ASTN2: variants seen among roughly 807,000 people sequenced by gnomAD.
The protein encoded by ASTN2 is astrotactin 2.
Under a neutral mutation model 139.8 loss-of-function variants are expected in ASTN2, and 54 were observed. The observed-to-expected ratio is 0.39, with a 90% confidence interval of 0.31 to 0.48. The LOEUF is 0.48. Among genes scored for constraint, ASTN2 ranks in the 20% least tolerant of loss-of-function variants. The pLI, the probability that ASTN2 is intolerant of heterozygous loss-of-function variation, is 0.95. For missense variants in ASTN2, 1,565 were observed against 1,725.1 expected, an observed-to-expected ratio of 0.91 and a Z score of 1.64; for synonymous variants, 756 against 719.5, an observed-to-expected ratio of 1.05 and a Z score of -0.81.
intron 4 of ASTN2, among the ~76,000 whole-genome samples, chr9:117,130,567 C>T (rs1019121331): frequency 6.6e-6 from 1 of 152,112 alleles, no homozygotes; most frequent in African/African-American, 2.4e-5. Context: ...GGGGGGCTTC[C>T]TTTCTTTACT....
At chr9:117,380,457 T>C (rs1457482659) in intron 1 of ASTN2, among the ~76,000 whole-genome samples, 1 of 151,636 alleles carries the variant, frequency 6.6e-6, no homozygotes, top group Non-Finnish European at 1.5e-5. Flanking sequence ...ATACAAAAAT[T>C]AGCTGGGGGT....
rs112675207 is a variant in ASTN2, at chr9:117,050,365, G to A, written c.1277-10400C>T. On this transcript the variant is annotated intron_variant, in intron 5 of 22. Coordinates refer to ENST00000313400, the MANE Select transcript of ASTN2 (RefSeq NM_001365068.1). Reference sequence around the variant, plus strand: ...CCACACTTTGTGAAAATAGGAGCAGGAGAATAACATTGATTGTGTATTTAG... The same window carrying A: ...CCACACTTTGTGAAAATAGGAGCAGAAGAATAACATTGATTGTGTATTTAG... Among the ~76,000 whole-genome samples the A allele has an allele frequency of 1.3e-3, 202 of 152,234 alleles. 1 individual carries two copies. Among genetic ancestry groups the A allele is most frequent in the African/African-American group, 4.6e-3 (193 of 41,560 alleles).
At chr9:117,329,370 G>A (rs1828629191) in intron 1 of ASTN2, among the ~76,000 whole-genome samples, 1 of 151,830 alleles carries the variant, frequency 6.6e-6, no homozygotes, top group Non-Finnish European at 1.5e-5. Flanking sequence ...TGAACAGAAG[G>A]GAAAGCTCAT....
At chr9:116,514,435 C>T (rs1474312318) in intron 19 of ASTN2, among the ~76,000 whole-genome samples, 1 of 152,120 alleles carries the variant, frequency 6.6e-6, no homozygotes, top group Non-Finnish European at 1.5e-5. Context: ...CCCAGTTAGG[C>T]TTCTCAGGGG....
At chr9:116,654,272 G>T (rs1452050166) in intron 16 of ASTN2, among the ~76,000 whole-genome samples, 1 of 152,120 alleles carries the variant, frequency 6.6e-6, no homozygotes, top group African/African-American at 2.4e-5. Flanking sequence ...ATAGCTGCAA[G>T]GACAGAATTG....
At chr9:117,234,183 C>T (rs760388596) in intron 2 of ASTN2, among the ~76,000 whole-genome samples, 4 of 152,188 alleles carry the variant, frequency 2.6e-5, no homozygotes, top group Non-Finnish European at 4.4e-5. Context: ...CCTCTCCTCC[C>T]ACAGACCAGC....
chr9:117,251,193 TCCTCAG>T (rs1463322291), intron 2 of ASTN2, among the ~76,000 whole-genome samples: 1 of 152,080 alleles, frequency 6.6e-6, no homozygotes, highest in Admixed American at 6.6e-5. Context: ...GGAAGGTCAA[TCCTCAG>T]CTCTGTCCCT....
At chr9:116,490,271 G>GAAAAAAAAAAAAAA (rs1564314339) in intron 19 of ASTN2, among the ~76,000 whole-genome samples, 1 of 2,316 alleles carries the variant, frequency 4.3e-4, no homozygotes, top group African/African-American at 1.4e-3. Flanking sequence ...GTGATAAAAA[G>GAAAAAAAAAAAAAA]TAAAAAAAAA....
chr9:116,892,433 G>A (rs916804093), intron 10 of ASTN2, among the ~76,000 whole-genome samples: 4 of 152,094 alleles, frequency 2.6e-5, no homozygotes, highest in Non-Finnish European at 5.9e-5. Flanking sequence ...CAGTACTGTG[G>A]TTTGAGGGCT....
At chr9:117,165,657 A>G (rs1255768930) in intron 3 of ASTN2, among the ~76,000 whole-genome samples, 1 of 152,106 alleles carries the variant, frequency 6.6e-6, no homozygotes, top group African/African-American at 2.4e-5. Flanking sequence ...ACAAACCCTT[A>G]GCCCAGCACC....
intron 7 of ASTN2, among the ~76,000 whole-genome samples, chr9:116,978,464 G>C (rs1031382498): frequency 1.5e-4 from 22 of 146,334 alleles, no homozygotes; most frequent in African/African-American, 5.7e-4. Flanking sequence ...ATCTCTCTCT[G>C]TATGTATCTC....
chr9:117,158,224 A>G (rs1303015999), intron 3 of ASTN2, among the ~76,000 whole-genome samples: 1 of 152,096 alleles, frequency 6.6e-6, no homozygotes, highest in Non-Finnish European at 1.5e-5. Flanking sequence ...AAACTGTGCA[A>G]GTCCAGATAC....
intron 19 of ASTN2, among the ~76,000 whole-genome samples, chr9:116,532,219 T>C (rs910103992): frequency 1.7e-4 from 26 of 152,242 alleles, no homozygotes; most frequent in African/African-American, 6.3e-4. Context: ...GTTGTTTTTT[T>C]CTTGTAAATT....
intron 16 of ASTN2, among the ~76,000 whole-genome samples, chr9:116,676,367 T>A (rs1859500540): frequency 6.6e-6 from 1 of 152,204 alleles, no homozygotes; most frequent in African/African-American, 2.4e-5. Context: ...AGAATTTGTC[T>A]TTCTGTGTTC....
At chr9:117,126,517 G>A (rs73657663) in intron 4 of ASTN2, among the ~76,000 whole-genome samples, 1,807 of 152,278 alleles carry the variant, frequency 0.012, 39 homozygotes, top group Middle Eastern at 0.075. Context: ...GCCAATAATT[G>A]TGGTTTCCTA....
In ASTN2 at chr9:116,514,801, C is replaced by T. The variant is rs573137196; in HGVS notation, c.3356-27301G>A. The stretch of plus-strand genomic sequence containing the variant: ...GGCATGGGACCCTCTGATCCTGGTG[C>T]GGGATATAAACTCCTGGTGTGCCGT... On this transcript the variant is annotated intron_variant, in intron 19 of 22. Coordinates refer to ENST00000313400, the MANE Select transcript of ASTN2 (RefSeq NM_001365068.1). 5.3e-5 allele frequency among the ~76,000 whole-genome samples: 8 copies of T among 152,286 alleles called. No homozygotes were observed. In the East Asian group the frequency reaches 5.8e-4, roughly 11 times the overall value.
intron 19 of ASTN2, among the ~76,000 whole-genome samples, chr9:116,551,530 G>A (rs1171113471): frequency 2.6e-5 from 4 of 152,166 alleles, no homozygotes; most frequent in Non-Finnish European, 2.9e-5. Flanking sequence ...AGTTCTATCA[G>A]TTACTGTATT....
chr9:116,926,157 T>C (rs752750915), intron 10 of ASTN2, among the ~76,000 whole-genome samples: 4 of 152,182 alleles, frequency 2.6e-5, no homozygotes, highest in South Asian at 2.1e-4. Flanking sequence ...TTGTTCCCTG[T>C]ATGATCACCA....
chr9:116,805,069 G>GA (rs1830994153), intron 13 of ASTN2, among the ~76,000 whole-genome samples: 1 of 144,816 alleles, frequency 6.9e-6, no homozygotes, highest in Non-Finnish European at 1.5e-5. Context: ...ACTATTGAGT[G>GA]AAAAAAGCAA....
Sources: gnomAD v4.1 joint callset for allele counts (sites outside exome capture counted in the v4.1 genomes callset) on GRCh38, gnomAD v4.1.1 for gene constraint, MANE v1.5 for transcripts, NCBI Gene and HGNC (gene_info 2026-07-23, HGNC 2026-07-21) for gene names.